Variants in CCDC148 observed in about 807,000 individuals in gnomAD.
CCDC148 encodes the protein coiled-coil domain-containing protein 148.
CCDC148 carries 89 observed loss-of-function variants against 85.7 expected under a neutral mutation model. That is an observed-to-expected ratio of 1.04 (90% CI 0.87 to 1.24). CCDC148 has a LOEUF of 1.24. Among genes scored for constraint, CCDC148 ranks in the 50% most tolerant of loss-of-function variants. The pLI is 0.00. For synonymous variants in CCDC148, 230 were observed against 213.9 expected (o/e 1.08, Z -0.66); for missense variants, 692 against 671.7 (o/e 1.03, Z -0.33).
intron 10 of CCDC148, among the ~76,000 whole-genome samples, chr2:158,237,884 G>C (rs1164538515): frequency 6.6e-6 from 1 of 152,142 alleles, no homozygotes; most frequent in Non-Finnish European, 1.5e-5. Flanking sequence ...TAAGACAGAG[G>C]AACAAAGAAA....
intron 10 of CCDC148, among the ~76,000 whole-genome samples, chr2:158,238,166 T>C (rs998529582): frequency 1.3e-5 from 2 of 151,986 alleles, no homozygotes; most frequent in African/African-American, 4.8e-5. Context: ...GGGTAGTTTA[T>C]AGATGAAGGT....
intron 11 of CCDC148, among the ~76,000 whole-genome samples, chr2:158,208,196 C>G (rs7593395): frequency 0.15 from 22,739 of 152,122 alleles, 2,159 homozygotes; most frequent in Non-Finnish European, 0.21. Flanking sequence ...AGTTTATTCC[C>G]TTTGGGAATG....
intron 1 of CCDC148, among the ~76,000 whole-genome samples, chr2:158,436,963 T>A (rs1162751877): frequency 2.0e-5 from 3 of 152,064 alleles, no homozygotes; most frequent in Non-Finnish European, 4.4e-5. Context: ...AATAACAGGC[T>A]CTGAAATTGA....
At chr2:158,264,906 G>C (rs1689390174) in intron 9 of CCDC148, among the ~76,000 whole-genome samples, 1 of 152,046 alleles carries the variant, frequency 6.6e-6, no homozygotes, top group South Asian at 2.1e-4. Context: ...GCATTATTCT[G>C]AATTCATTTG....
chr2:158,316,972 T>G (rs1035589599), intron 7 of CCDC148, among the ~76,000 whole-genome samples: 1 of 152,232 alleles, frequency 6.6e-6, no homozygotes, highest in East Asian at 1.9e-4. Context: ...ATCTTTTTTG[T>G]ATAGAAAAAT....
At chr2:158,389,605 G>C (rs1365459379) in intron 1 of CCDC148, among the ~76,000 whole-genome samples, 2 of 152,096 alleles carry the variant, frequency 1.3e-5, no homozygotes, top group South Asian at 2.1e-4. Flanking sequence ...TTTCACCATA[G>C]AGCTAAGTGA....
intron 9 of CCDC148, among the ~76,000 whole-genome samples, chr2:158,262,458 T>A (rs535206056): frequency 6.6e-6 from 1 of 152,066 alleles, no homozygotes; most frequent in South Asian, 2.1e-4. Flanking sequence ...TAAAACCCCA[T>A]GACATGAGTT....
chr2:158,302,427 T>G (rs1242237080), intron 9 of CCDC148, among the ~76,000 whole-genome samples: 1 of 151,950 alleles, frequency 6.6e-6, no homozygotes, highest in Non-Finnish European at 1.5e-5. Flanking sequence ...AGCATCCAGA[T>G]GAAGTTAACT....
intron 7 of CCDC148, among the ~76,000 whole-genome samples, chr2:158,333,546 A>C (rs1440418515): frequency 6.6e-6 from 1 of 152,072 alleles, no homozygotes; most frequent in Non-Finnish European, 1.5e-5. Flanking sequence ...TTTGGTCCTG[A>C]GCTGTGTTCA....
intron 1 of CCDC148, among the ~76,000 whole-genome samples, chr2:158,435,585 C>T (rs1687607214): frequency 6.6e-6 from 1 of 152,108 alleles, no homozygotes; most frequent in African/African-American, 2.4e-5. Flanking sequence ...AGCAAAATAA[C>T]CAGCTAACAT....
intron 1 of CCDC148, among the ~76,000 whole-genome samples, chr2:158,397,035 G>C (rs904869276): frequency 4.6e-5 from 7 of 151,968 alleles, no homozygotes; most frequent in Non-Finnish European, 1.0e-4. Flanking sequence ...TTGAGAACAG[G>C]GATGTACGGT....
intron 9 of CCDC148, among the ~76,000 whole-genome samples, chr2:158,300,446 G>C (rs2105198573): frequency 2.0e-5 from 3 of 152,294 alleles, no homozygotes; most frequent in Middle Eastern, 3.4e-3. Flanking sequence ...GCGAGCCAGA[G>C]TTATGTACCA....
chr2:158,304,476 C>T (rs1236371906), intron 9 of CCDC148, among the ~76,000 whole-genome samples: 1 of 152,118 alleles, frequency 6.6e-6, no homozygotes, highest in Non-Finnish European at 1.5e-5. Flanking sequence ...TATTGTTGTT[C>T]CATCCCACTG....
At chr2:158,372,068 G>C (rs1461806511) in intron 1 of CCDC148, among the ~76,000 whole-genome samples, 1 of 151,926 alleles carries the variant, frequency 6.6e-6, no homozygotes, top group Admixed American at 6.6e-5. Flanking sequence ...ACCTAAAAGG[G>C]CCCAGTTTCC....
chr2:158,294,840 A>C (rs1030238751), intron 9 of CCDC148, among the ~76,000 whole-genome samples: 7 of 151,666 alleles, frequency 4.6e-5, no homozygotes, highest in African/African-American at 1.7e-4. Context: ...AAAACAAAAA[A>C]AAACCTGCCA....
In CCDC148 at chr2:158,416,775, C is replaced by T. The variant is rs148058272; in HGVS notation, c.25+39640G>A. Among the ~76,000 whole-genome samples, 3 of 152,334 alleles carry T rather than the reference C, an allele frequency of 2.0e-5. No individual in the cohort carries two copies. In the East Asian group the frequency reaches 5.8e-4, roughly 29 times the overall value. The stretch of plus-strand genomic sequence containing the variant: ...TTACCCAGTTTCAAAGTCACTTCCA[C>T]ATTTTCAGGTATCTTTATAGCAATG... On this transcript the variant is annotated intron_variant, in intron 1 of 13. Transcript: ENST00000283233.
chr2:158,186,401 G>T (rs1446315440), intron 11 of CCDC148, among the ~76,000 whole-genome samples: 1 of 152,010 alleles, frequency 6.6e-6, no homozygotes, highest in Non-Finnish European at 1.5e-5. Flanking sequence ...GACTTAGAAA[G>T]GCTGTATGCT....
At chr2:158,432,310 CTA>C (rs1275820970) in intron 1 of CCDC148, among the ~76,000 whole-genome samples, 5 of 150,996 alleles carry the variant, frequency 3.3e-5, no homozygotes, top group Non-Finnish European at 5.9e-5. Context: ...GACATAAATA[CTA>C]TAATTAAAAG....
intron 9 of CCDC148, among the ~76,000 whole-genome samples, chr2:158,304,398 C>T (rs1217649600): frequency 6.6e-6 from 1 of 152,130 alleles, no homozygotes; most frequent in Non-Finnish European, 1.5e-5. Context: ...AGGAAAGATG[C>T]TCCTGATGTG....
Sources: allele counts gnomAD v4.1 joint callset (sites outside exome capture counted in the v4.1 genomes callset), GRCh38; gene constraint gnomAD v4.1.1; transcripts MANE v1.5; gene names NCBI Gene and HGNC (gene_info 2026-07-23, HGNC 2026-07-21).